Variants in GREB1L observed in about 807,000 individuals in gnomAD.
GREB1L encodes GREB1-like protein.
GREB1L carries 17 observed loss-of-function variants against 200.8 expected under a neutral mutation model. That is an observed-to-expected ratio of 0.08 (90% CI 0.06 to 0.13). The LOEUF is 0.13. Ranked by LOEUF, GREB1L falls within the 10% of genes least tolerant of loss-of-function variation. GREB1L has a pLI of 1.00. For missense variants in GREB1L, 1,657 were observed against 2,367.7 expected (o/e 0.70, Z 6.23); for synonymous variants, 789 against 893.0 (o/e 0.88, Z 2.08).
chr18:21,245,284 T>C (rs1308805548), intron 1 of GREB1L, among the ~76,000 whole-genome samples: 2 of 152,234 alleles, frequency 1.3e-5, no homozygotes, highest in Non-Finnish European at 2.9e-5. Context: ...GAAACATATG[T>C]AATTATTTTG....
intron 7 of GREB1L, among the ~76,000 whole-genome samples, chr18:21,428,008 GT>G (rs1484329557): frequency 1.1e-4 from 16 of 150,726 alleles, no homozygotes; most frequent in Admixed American, 7.3e-4. Context: ...GGCTAACAAG[GT>G]GAAACCCCGT....
chr18:21,326,803 A>G (rs2039029080), intron 1 of GREB1L, among the ~76,000 whole-genome samples: 1 of 152,178 alleles, frequency 6.6e-6, no homozygotes, highest in African/African-American at 2.4e-5. Context: ...CCATTTAGAA[A>G]CTTCCCGAGC....
At chr18:21,325,453 A>G (rs1313898762) in intron 1 of GREB1L, among the ~76,000 whole-genome samples, 3 of 152,176 alleles carry the variant, frequency 2.0e-5, no homozygotes, top group African/African-American at 7.2e-5. Context: ...TATATGGCAG[A>G]GAATATGGTC....
chr18:21,525,835 A>T lies in GREB1L; in HGVS notation c.*3014A>T, dbSNP rs2037677910. Among the ~76,000 whole-genome samples the T allele has an allele frequency of 6.6e-6, 1 of 151,100 alleles. No homozygotes were observed. The highest frequency in any genetic ancestry group is 1.5e-5 in the Non-Finnish European group (1 of 67,740). ...TTGTTGTCCCAGAAAAATGGCTTTC[A>T]ATCTATTAATAAAGTGTAGTAAATT... On this transcript the variant is annotated 3_prime_UTR_variant, in exon 33 of 33. Transcript: ENST00000424526.
In GREB1L at chr18:21,516,806, ACTAT is replaced by A. The variant is rs994328536; in HGVS notation, c.5271+55_5271+58del. The A allele has an allele frequency of 2.6e-5, 39 of 1,487,916 alleles. No individual in the cohort carries two copies. In the African/African-American group the frequency reaches 5.2e-4, roughly 20 times the overall value. 92.2% of individuals were successfully genotyped at this position (1,487,916 alleles called of 1,614,324 possible). A position where few individuals can be genotyped will look rare whatever the true frequency, so the allele number is the denominator to read the frequency against. ...GCTGAAAATAAGCACAATGATAATG[ACTAT>A]CTTTGTTATTAGATGTTGGCATTAA... On this transcript the variant is annotated intron_variant, in intron 30 of 32. Transcript: ENST00000424526.
intron 2 of GREB1L, among the ~76,000 whole-genome samples, chr18:21,377,683 A>G (rs1259407394): frequency 6.6e-6 from 1 of 151,998 alleles, no homozygotes; most frequent in East Asian, 1.9e-4. Context: ...GTAACAGAGT[A>G]AGTGAGACTG....
chr18:21,266,402 A>G (rs1278126029), intron 1 of GREB1L, among the ~76,000 whole-genome samples: 1 of 152,180 alleles, frequency 6.6e-6, no homozygotes, highest in African/African-American at 2.4e-5. Context: ...ATGCAGCTGG[A>G]ATTAGATTTA....
chr18:21,439,217 A>C (rs1481197918), intron 7 of GREB1L, among the ~76,000 whole-genome samples: 1 of 152,248 alleles, frequency 6.6e-6, no homozygotes, highest in Admixed American at 6.5e-5. Context: ...TCCATGATGC[A>C]AAGTTAAGAA....
At chr18:21,504,899 T>C (rs1022889538) in intron 23 of GREB1L, among the ~76,000 whole-genome samples, 3 of 152,144 alleles carry the variant, frequency 2.0e-5, no homozygotes, top group African/African-American at 7.2e-5. Context: ...ATTGGAACAC[T>C]CTGAGGCGCC....
chr18:21,455,910 T>C (rs1386453993), intron 15 of GREB1L, among the ~76,000 whole-genome samples: 1 of 143,454 alleles, frequency 7.0e-6, no homozygotes, highest in Non-Finnish European at 1.5e-5. Flanking sequence ...TTTTTTTTTT[T>C]TTTTTTTTTG....
intron 1 of GREB1L, among the ~76,000 whole-genome samples, chr18:21,358,634 C>T (rs771882270): frequency 2.6e-5 from 4 of 152,076 alleles, no homozygotes; most frequent in Non-Finnish European, 5.9e-5. Context: ...TTATAAGTGT[C>T]AGCTAAGCTG....
At chr18:21,293,146 A>G (rs572411352) in intron 1 of GREB1L, among the ~76,000 whole-genome samples, 122 of 152,328 alleles carry the variant, frequency 8.0e-4, no homozygotes, top group Non-Finnish European at 1.4e-3. Context: ...GTGATTTTGC[A>G]GCTCTGGTAT....
At chr18:21,438,217 G>A (rs910497588) in intron 7 of GREB1L, among the ~76,000 whole-genome samples, 11 of 152,062 alleles carry the variant, frequency 7.2e-5, no homozygotes, top group South Asian at 2.1e-4. Context: ...AGACTGCAGC[G>A]AGCTGTGATT....
chr18:21,411,887 T>C (rs1481626937), intron 7 of GREB1L, among the ~76,000 whole-genome samples: 13 of 149,972 alleles, frequency 8.7e-5, no homozygotes, highest in Non-Finnish European at 1.6e-4. Context: ...CTACTAAAAA[T>C]ACAAAAAATT....
intron 23 of GREB1L, among the ~76,000 whole-genome samples, chr18:21,504,281 TC>T (rs60054836): frequency 1 from 152,338 of 152,338 alleles, 76,169 homozygotes; most frequent in Non-Finnish European, 1. Context: ...ACACCTGTAA[TC>T]CCCTGTGCTT....
Position 21,454,356 on chromosome 18 carries a change from T to G in GREB1L, c.1985-10T>G. The G allele has an allele frequency of 6.5e-7, 1 of 1,542,488 alleles. No individual in the cohort carries two copies. Among genetic ancestry groups the G allele is most frequent in the Non-Finnish European group, 8.8e-7 (1 of 1,139,116 alleles). On this transcript the variant is annotated splice_polypyrimidine_tract_variant and intron_variant, in intron 14 of 32. Transcript: ENST00000424526. ...TAACCTTGTTCTTATGACTTCTCTTTAAATTTTAGATTTAGATAATGAAAC... is the reference window on the plus strand; with the variant it reads ...TAACCTTGTTCTTATGACTTCTCTTGAAATTTTAGATTTAGATAATGAAAC...
chr18:21,467,003 A>G (rs962399706), intron 15 of GREB1L, among the ~76,000 whole-genome samples: 2 of 152,192 alleles, frequency 1.3e-5, no homozygotes, highest in African/African-American at 4.8e-5. Flanking sequence ...AGTTTAACAG[A>G]GAAAGAACAG....
At position 21,520,796 on chromosome 18, in the gene GREB1L, G is replaced by A. The variant is rs373460361; in HGVS notation, c.5581G>A (p.Asp1861Asn). 2 of 1,035,910 alleles carry A rather than the reference G, an allele frequency of 1.9e-6. No homozygotes were observed. Among genetic ancestry groups the A allele is most frequent in the Non-Finnish European group, 1.3e-6 (1 of 791,510 alleles). The allele number at this position is 1,035,910 out of a possible 1,614,324, so 64.2% of individuals were successfully genotyped here. Residue 1861 changes from aspartate (D) to asparagine (N), a missense_variant, in exon 32 of 33, where the codon GAT becomes AAT. Asp to Asn is a conservative substitution (Grantham distance 23). Coordinates refer to ENST00000424526, the MANE Select transcript of GREB1L (RefSeq NM_001142966.3). ...LYLCDSFVGA[D>N]LKKFKFLKGA... ...CCTCTGTGACTCTTTTGTAGGTGCT[G>A]ATCTTAAGAAATTTAAATTTCTAAA...
At chr18:21,412,704 TTTG>T (rs1015654936) in intron 7 of GREB1L, among the ~76,000 whole-genome samples, 2 of 152,050 alleles carry the variant, frequency 1.3e-5, no homozygotes, top group Admixed American at 6.5e-5. Context: ...AGTATTTTGT[TTTG>T]TTTTGTTTTG....
Sources: allele counts gnomAD v4.1 joint callset (sites outside exome capture counted in the v4.1 genomes callset), GRCh38; gene constraint gnomAD v4.1.1; transcripts MANE v1.5; gene names NCBI Gene and HGNC (gene_info 2026-07-23, HGNC 2026-07-21).